WWOX: variants seen among roughly 807,000 people sequenced by gnomAD.
WWOX encodes the protein WW domain-containing oxidoreductase.
Under a neutral mutation model 46.2 loss-of-function variants are expected in WWOX, and 69 were observed. The ratio of observed to expected loss-of-function variants is 1.49; its 90% CI spans 1.23 to 1.82. The LOEUF is 1.82. Among genes scored for constraint, WWOX ranks in the 40% most tolerant of loss-of-function variants. WWOX has a pLI of 0.00. For synonymous variants in WWOX, 359 were observed against 202.6 expected (o/e 1.77, Z -6.56); for missense variants, 919 against 542.6 (o/e 1.69, Z -6.89).
At chr16:78,746,520 A>T (rs2049350713) in intron 8 of WWOX, among the ~76,000 whole-genome samples, 1 of 152,192 alleles carries the variant, frequency 6.6e-6, no homozygotes. Flanking sequence ...AATACTAGAT[A>T]TCAGCACCCT....
At chr16:78,548,261 T>G (rs934825796) in intron 8 of WWOX, among the ~76,000 whole-genome samples, 1 of 152,066 alleles carries the variant, frequency 6.6e-6, no homozygotes, top group Non-Finnish European at 1.5e-5. Context: ...CTGTTGATTC[T>G]CTTCAAAAAC....
At chr16:78,931,937 C>G (rs1381455741) in intron 8 of WWOX, among the ~76,000 whole-genome samples, 1 of 152,196 alleles carries the variant, frequency 6.6e-6, no homozygotes, top group Non-Finnish European at 1.5e-5. Flanking sequence ...CCCATGAGAT[C>G]TGATGGTTTT....
At chr16:78,794,202 C>G (rs145531568) in intron 8 of WWOX, among the ~76,000 whole-genome samples, 2 of 152,112 alleles carry the variant, frequency 1.3e-5, no homozygotes, top group Non-Finnish European at 2.9e-5. Flanking sequence ...GAGAAAACAG[C>G]AAGAAGAATA....
At chr16:78,297,774 T>A (rs1191552135) in intron 5 of WWOX, among the ~76,000 whole-genome samples, 1 of 152,074 alleles carries the variant, frequency 6.6e-6, no homozygotes, top group Non-Finnish European at 1.5e-5. Flanking sequence ...TATATCCTAG[T>A]ATGGGCAATA....
intron 8 of WWOX, among the ~76,000 whole-genome samples, chr16:78,493,137 T>G (rs1262957521): frequency 6.6e-6 from 1 of 152,170 alleles, no homozygotes; most frequent in Non-Finnish European, 1.5e-5. Flanking sequence ...GAGCCTGGAC[T>G]TCTTCCTGGG....
intron 8 of WWOX, among the ~76,000 whole-genome samples, chr16:78,639,083 C>T (rs1384984818): frequency 1.3e-5 from 2 of 152,092 alleles, no homozygotes; most frequent in Non-Finnish European, 2.9e-5. Flanking sequence ...AAAGCTGGGC[C>T]TAAAAGACCA....
At chr16:79,126,255 G>A (rs1405189708) in intron 8 of WWOX, among the ~76,000 whole-genome samples, 1 of 152,120 alleles carries the variant, frequency 6.6e-6, no homozygotes, top group African/African-American at 2.4e-5. Flanking sequence ...GGAAACAGAG[G>A]TAAGAAGGGT....
At chr16:78,597,157 T>C (rs1439805247) in intron 8 of WWOX, among the ~76,000 whole-genome samples, 4 of 152,180 alleles carry the variant, frequency 2.6e-5, no homozygotes, top group Non-Finnish European at 5.9e-5. Context: ...GGTGCCTTTG[T>C]AGAGGGAAAA....
chr16:78,366,433 C>G (rs920420969), intron 5 of WWOX, among the ~76,000 whole-genome samples: 7 of 152,098 alleles, frequency 4.6e-5, no homozygotes, highest in African/African-American at 9.7e-5. Context: ...AACAGACACT[C>G]TAAGGAATGG....
intron 8 of WWOX, among the ~76,000 whole-genome samples, chr16:78,999,658 C>T (rs191511703): frequency 8.9e-4 from 136 of 152,154 alleles, no homozygotes; most frequent in Middle Eastern, 6.8e-3. Flanking sequence ...TTATTGTATG[C>T]ACCAGAGTGA....
intron 5 of WWOX, among the ~76,000 whole-genome samples, chr16:78,380,187 C>G (rs956453705): frequency 6.6e-6 from 1 of 152,074 alleles, no homozygotes; most frequent in Non-Finnish European, 1.5e-5. Flanking sequence ...TTTTCTTGGT[C>G]TTTGTCTCAG....
chr16:78,583,836 C>T (rs1243634312), intron 8 of WWOX, among the ~76,000 whole-genome samples: 2 of 152,158 alleles, frequency 1.3e-5, no homozygotes, highest in Admixed American at 1.3e-4. Flanking sequence ...TGTAATTGAG[C>T]CTCTCAGGTG....
chr16:78,475,885 C>T (rs1240385614), intron 8 of WWOX, among the ~76,000 whole-genome samples: 28 of 152,120 alleles, frequency 1.8e-4, no homozygotes, highest in Admixed American at 1.8e-3. Flanking sequence ...TAAAACTCTA[C>T]CTTTTAAAAA....
At chr16:78,918,528 G>C (rs1567648428) in intron 8 of WWOX, among the ~76,000 whole-genome samples, 1 of 152,186 alleles carries the variant, frequency 6.6e-6, no homozygotes, top group Non-Finnish European at 1.5e-5. Context: ...TCTGCACAGA[G>C]AAGCTGGCTG....
intron 8 of WWOX, among the ~76,000 whole-genome samples, chr16:79,166,224 A>G (rs1319554392): frequency 1.3e-5 from 2 of 152,192 alleles, no homozygotes; most frequent in African/African-American, 2.4e-5. Context: ...CTGGAGGCAG[A>G]GCACTGAGTT....
chr16:78,390,097 C>G (rs753729952), intron 6 of WWOX, among the ~76,000 whole-genome samples: 4 of 152,260 alleles, frequency 2.6e-5, no homozygotes, highest in African/African-American at 9.6e-5. Flanking sequence ...GAGTGACTTT[C>G]GCAGGGTCAC....
intron 8 of WWOX, among the ~76,000 whole-genome samples, chr16:78,850,080 A>G (rs1208629728): frequency 6.6e-6 from 1 of 152,146 alleles, no homozygotes; most frequent in African/African-American, 2.4e-5. Context: ...CTTAAAAAAA[A>G]AAAATAGAGT....
At chr16:78,917,146 C>T (rs1424548375) in intron 8 of WWOX, among the ~76,000 whole-genome samples, 3 of 152,278 alleles carry the variant, frequency 2.0e-5, no homozygotes, top group South Asian at 4.1e-4. Context: ...ACAACATGCC[C>T]ACTCTCAACC....
intron 8 of WWOX, among the ~76,000 whole-genome samples, chr16:78,636,574 A>G (rs756135310): frequency 4.6e-5 from 7 of 152,148 alleles, no homozygotes; most frequent in Non-Finnish European, 1.0e-4. Flanking sequence ...TTTGCTTACT[A>G]GTAATGACCC....
Sources: gnomAD v4.1 joint callset for allele counts (sites outside exome capture counted in the v4.1 genomes callset) on GRCh38, gnomAD v4.1.1 for gene constraint, MANE v1.5 for transcripts, NCBI Gene and HGNC (gene_info 2026-07-23, HGNC 2026-07-21) for gene names.